AFF3: variants seen among roughly 807,000 people sequenced by gnomAD.
AFF3 encodes the protein AF4/FMR2 family member 3.
A neutral mutation model predicts 129.7 loss-of-function variants in AFF3; 32 were observed. The ratio of observed to expected loss-of-function variants is 0.25; its 90% CI spans 0.19 to 0.33. The LOEUF (loss-of-function observed/expected upper bound fraction) is 0.33. AFF3 is among the 10% of genes least tolerant of loss of function. AFF3 has a pLI of 1.00. For missense variants in AFF3, 1,373 were observed against 1,592.0 expected, an observed-to-expected ratio of 0.86 and a Z score of 2.34; for synonymous variants, 644 against 635.4, an observed-to-expected ratio of 1.01 and a Z score of -0.20.
chr2:99,555,753 A>G (rs967077581), intron 22 of AFF3, among the ~76,000 whole-genome samples: 2 of 152,188 alleles, frequency 1.3e-5, no homozygotes, highest in African/African-American at 4.8e-5. Context: ...TTGGTTAGAA[A>G]GAACTTTATG....
chr2:99,928,678 C>T (rs1407221258), intron 7 of AFF3, among the ~76,000 whole-genome samples: 1 of 152,172 alleles, frequency 6.6e-6, no homozygotes, highest in African/African-American at 2.4e-5. Context: ...CATTTGTCAA[C>T]AGGAAACACA....
chr2:99,922,719 T>C (rs1176414992), intron 7 of AFF3, among the ~76,000 whole-genome samples: 1 of 152,100 alleles, frequency 6.6e-6, no homozygotes, highest in Admixed American at 6.5e-5. Flanking sequence ...AAGAAAGTAA[T>C]ACCGTTTTCA....
At chr2:99,977,006 T>C (rs554044965) in intron 7 of AFF3, among the ~76,000 whole-genome samples, 3 of 152,314 alleles carry the variant, frequency 2.0e-5, no homozygotes, top group South Asian at 2.1e-4. Flanking sequence ...CTTTGAACCA[T>C]AGAAAGAATC....
chr2:99,963,132 T>C (rs906374595), intron 7 of AFF3, among the ~76,000 whole-genome samples: 3 of 152,010 alleles, frequency 2.0e-5, no homozygotes, highest in African/African-American at 7.2e-5. Flanking sequence ...AGAAAAAATG[T>C]CCCTGACATT....
intron 4 of AFF3, among the ~76,000 whole-genome samples, chr2:100,034,057 T>C (rs1559074389): frequency 6.6e-6 from 1 of 152,194 alleles, no homozygotes; most frequent in South Asian, 2.1e-4. Context: ...GGCAAATCAA[T>C]AGCAAATGCT....
Position 99,891,226 on chromosome 2 carries a change from T to C in AFF3, c.874-53702A>G, listed in dbSNP as rs78350324. On this transcript the variant is annotated intron_variant, in intron 7 of 24. Coordinates refer to ENST00000672756, the MANE Select transcript of AFF3 (RefSeq NM_001386135.1). ...AGGCTGTCCTGAGTTATCTGGTATGTGTCCTGGATTGATTAGGGCAGGAGA... is the reference window on the plus strand; with the variant it reads ...AGGCTGTCCTGAGTTATCTGGTATGCGTCCTGGATTGATTAGGGCAGGAGA... Among the ~76,000 whole-genome samples, 308 of 152,186 alleles carry C rather than the reference T, an allele frequency of 2.0e-3. 16 individuals carry two copies. The East Asian group carries it at 0.053, about 26-fold the overall frequency.
intron 7 of AFF3, among the ~76,000 whole-genome samples, chr2:99,872,967 T>G (rs918765168): frequency 3.9e-5 from 6 of 152,250 alleles, no homozygotes; most frequent in Non-Finnish European, 7.3e-5. Context: ...TTCCTTGAAG[T>G]GACAAGTTCA....
chr2:99,672,434 G>T, intron 12 of AFF3, 104 bp downstream of exon 12: 1 of 1,044,818 alleles, frequency 9.6e-7, no homozygotes, highest in Non-Finnish European at 1.5e-6. Flanking sequence ...AAGACCAGCA[G>T]CCTGGAGTGC....
intron 7 of AFF3, among the ~76,000 whole-genome samples, chr2:99,931,979 G>A (rs1165612081): frequency 6.6e-6 from 1 of 152,150 alleles, no homozygotes; most frequent in African/African-American, 2.4e-5. Flanking sequence ...ATGTGCCCTA[G>A]TCTGCCCACA....
At chr2:100,133,861 A>G (rs1363193817) in intron 1 of AFF3, among the ~76,000 whole-genome samples, 1 of 152,160 alleles carries the variant, frequency 6.6e-6, no homozygotes, top group African/African-American at 2.4e-5. Context: ...TGCACCTGGG[A>G]GGCGGAGCTT....
At chr2:99,842,760 C>A (rs553339659) in intron 7 of AFF3, among the ~76,000 whole-genome samples, 1 of 152,022 alleles carries the variant, frequency 6.6e-6, no homozygotes, top group Non-Finnish European at 1.5e-5. Context: ...CCAGGAGCAT[C>A]CCATCCCTGA....
At chr2:100,077,804 G>A (rs1454122965) in intron 4 of AFF3, among the ~76,000 whole-genome samples, 1 of 152,044 alleles carries the variant, frequency 6.6e-6, no homozygotes, top group African/African-American at 2.4e-5. Flanking sequence ...GCATCATAGA[G>A]TTTTTAAGGC....
intron 4 of AFF3, among the ~76,000 whole-genome samples, chr2:100,045,634 C>T (rs1256339174): frequency 2.6e-5 from 4 of 151,606 alleles, no homozygotes; most frequent in Non-Finnish European, 5.9e-5. Flanking sequence ...TCCCCTCCCT[C>T]CACCTTTCCC....
intron 13 of AFF3, among the ~76,000 whole-genome samples, chr2:99,644,878 A>G (rs559958730): frequency 6.6e-6 from 1 of 152,324 alleles, no homozygotes; most frequent in South Asian, 2.1e-4. Flanking sequence ...ATCCACCTTT[A>G]TCCTGTTTGT....
At chr2:99,576,165 T>G (rs910498138) in intron 18 of AFF3, among the ~76,000 whole-genome samples, 5 of 151,738 alleles carry the variant, frequency 3.3e-5, no homozygotes, top group African/African-American at 9.7e-5. Flanking sequence ...CCGGAGTAGC[T>G]GAGATTACAG....
intron 10 of AFF3, among the ~76,000 whole-genome samples, chr2:99,741,181 T>C (rs577662136): frequency 2.8e-4 from 43 of 152,262 alleles, no homozygotes; most frequent in African/African-American, 1.0e-3. Flanking sequence ...CCCTCTCTCA[T>C]CACTCCTATT....
At chr2:100,035,812 A>G (rs532539628) in intron 4 of AFF3, among the ~76,000 whole-genome samples, 1 of 152,184 alleles carries the variant, frequency 6.6e-6, no homozygotes, top group Non-Finnish European at 1.5e-5. Flanking sequence ...AAAAATGGGG[A>G]CATAGTAAGG....
intron 13 of AFF3, among the ~76,000 whole-genome samples, chr2:99,636,944 G>C (rs1454447751): frequency 6.6e-6 from 1 of 152,218 alleles, no homozygotes; most frequent in Non-Finnish European, 1.5e-5. Flanking sequence ...GTGAGCGGAG[G>C]TGAGGGCAGG....
chr2:99,966,904 T>C (rs1019151054), intron 7 of AFF3, among the ~76,000 whole-genome samples: 1 of 152,132 alleles, frequency 6.6e-6, no homozygotes, highest in African/African-American at 2.4e-5. Flanking sequence ...AATAGCACTC[T>C]ATGGAAAATT....
Sources: gnomAD v4.1 joint callset for allele counts (sites outside exome capture counted in the v4.1 genomes callset) on GRCh38, gnomAD v4.1.1 for gene constraint, MANE v1.5 for transcripts, NCBI Gene and HGNC (gene_info 2026-07-23, HGNC 2026-07-21) for gene names.